The following P2RX7 variants were observed in gnomAD, a reference collection of about 807,000 sequenced individuals.
P2RX7 encodes P2X purinoceptor 7.
Under a neutral mutation model 71.6 loss-of-function variants are expected in P2RX7, and 62 were observed. That is an observed-to-expected ratio of 0.87 (90% CI 0.71 to 1.07). The LOEUF is 1.07. Ranked by LOEUF, P2RX7 falls within the 50% of genes least tolerant of loss-of-function variation. The probability of loss-of-function intolerance (pLI) is 0.00; values close to 1 mark genes in which losing one functional copy is unlikely to be tolerated. For synonymous variants in P2RX7, 299 were observed against 283.3 expected (o/e 1.06, Z -0.56); for missense variants, 686 against 748.5 (o/e 0.92, Z 0.97).
Position 121,147,156 on chromosome 12 carries a change from C to G in P2RX7, c.126-7629C>G, listed in dbSNP as rs563745546. ...GAAATTCGAAAAAGTATTCCATTCA[C>G]TGTAGCATTTAAGAAAGCTGAGGCT... On this transcript the variant is annotated intron_variant, in intron 1 of 12. Transcript: ENST00000328963. Among the ~76,000 whole-genome samples, 3 of 152,322 alleles carry G rather than the reference C, an allele frequency of 2.0e-5. No individual in the cohort carries two copies. In the South Asian group the frequency reaches 6.2e-4, roughly 32 times the overall value.
rs913935631 is a variant in P2RX7, at chr12:121,149,314, T to C, written c.126-5471T>C. ...AGCCAGACTTGCCTGTGAGTGCCCC[T>C]TGATGGCTGTATTAGTCTGTTCTCA... On this transcript the variant is annotated intron_variant, in intron 1 of 12. Transcript: ENST00000328963. This position sits in a 1 kb window ranked among gnomAD's most constrained non-coding sequence, Gnocchi z 4.7. Among the ~76,000 whole-genome samples, 3 of 152,142 alleles carry C rather than the reference T, an allele frequency of 2.0e-5. No individual in the cohort carries two copies. Among genetic ancestry groups the C allele is most frequent in the African/African-American group, 7.2e-5 (3 of 41,440 alleles).
rs745908932 is a variant in P2RX7, at chr12:121,160,890, T to C, written c.364-12T>C. ...TCACTTACTCCCCACTCTGTCATCC[T>C]TCTATCTGCAGTATCCCACCCGCAG... On this transcript the variant is annotated splice_polypyrimidine_tract_variant and intron_variant, in intron 3 of 12. Coordinates refer to ENST00000328963, the MANE Select transcript of P2RX7 (RefSeq NM_002562.6). 2 of 1,608,784 alleles carry C rather than the reference T, an allele frequency of 1.2e-6. No homozygotes were observed. The highest frequency in any genetic ancestry group is 3.3e-5 in the Admixed American group (2 of 60,002).
Position 121,184,902 on chromosome 12 carries a change from A to G in P2RX7, c.*100A>G. On this transcript the variant is annotated 3_prime_UTR_variant, in exon 13 of 13. Coordinates refer to ENST00000328963, the MANE Select transcript of P2RX7 (RefSeq NM_002562.6). ...GAGTTGGAGACCCGCCTGGCTAACA[A>G]GGCGAAATCCTGTCTGTACTAAAAA... 1.1e-6 allele frequency: 1 copy of G among 910,692 alleles called. No homozygotes were observed. Among genetic ancestry groups the G allele is most frequent in the Non-Finnish European group, 1.6e-6 (1 of 608,288 alleles). 56.4% of individuals were successfully genotyped at this position (910,692 alleles called of 1,614,324 possible). A position where few individuals can be genotyped will look rare whatever the true frequency, so the allele number is the denominator to read the frequency against.
At chr12:121,163,544 TGATA>T (rs1037778012) in intron 5 of P2RX7, among the ~76,000 whole-genome samples, 6 of 144,070 alleles carry the variant, frequency 4.2e-5, no homozygotes, top group Middle Eastern at 3.5e-3. Context: ...AGATGATAGA[TGATA>T]GATAGAAAGA....
rs3842711 is a variant in P2RX7 at position 121,175,798 on chromosome 12, GA to G, written c.972+329del. Among the ~76,000 whole-genome samples, 8 of 151,218 alleles carry G rather than the reference GA, an allele frequency of 5.3e-5. No individual in the cohort carries two copies. The East Asian group carries it at 9.7e-4, about 18-fold the overall frequency. On this transcript the variant is annotated intron_variant, in intron 9 of 12. Coordinates refer to ENST00000328963, the MANE Select transcript of P2RX7 (RefSeq NM_002562.6). ...AATCCAATTCAAATTGGCTTAAGGG[GA>G]AAAAAAAAGTTTTGAGTGGGCTTTT...
At chr12:121,159,195 G>T (rs1189434448) in intron 3 of P2RX7, among the ~76,000 whole-genome samples, 2 of 152,168 alleles carry the variant, frequency 1.3e-5, no homozygotes, top group East Asian at 3.9e-4. Context: ...GAGGCAGGCA[G>T]ATCATGAGGT....
Position 121,154,026 on chromosome 12 carries a change from G to A in P2RX7, c.126-759G>A, listed in dbSNP as rs1878046324. Among the ~76,000 whole-genome samples the A allele has an allele frequency of 6.6e-6, 1 of 152,108 alleles. No homozygotes were observed. The highest frequency in any genetic ancestry group is 1.5e-5 in the Non-Finnish European group (1 of 68,026). ...AGTTCCAGCTACTCAGGAGGCTGAGGTGGGAGGATCAACTTGAGCTCGGGA... is the reference window on the plus strand; with the variant it reads ...AGTTCCAGCTACTCAGGAGGCTGAGATGGGAGGATCAACTTGAGCTCGGGA... On this transcript the variant is annotated intron_variant, in intron 1 of 12. Transcript: ENST00000328963. This position sits in a 1 kb window ranked among gnomAD's most constrained non-coding sequence, Gnocchi z 4.2.
At chr12:121,163,932 G>T (rs966862271) in intron 5 of P2RX7, among the ~76,000 whole-genome samples, 1 of 152,084 alleles carries the variant, frequency 6.6e-6, no homozygotes, top group Admixed American at 6.6e-5. Flanking sequence ...TCCCAATGCC[G>T]GGATGGGGGG....
At chr12:121,163,610 T>C (rs1024130589) in intron 5 of P2RX7, among the ~76,000 whole-genome samples, 2 of 88,764 alleles carry the variant, frequency 2.3e-5, no homozygotes, top group South Asian at 3.0e-4. Flanking sequence ...GATAGATAGA[T>C]AGATAGATAG....
intron 12 of P2RX7, among the ~76,000 whole-genome samples, chr12:121,183,679 C>A (rs966033281): frequency 1.3e-5 from 2 of 151,928 alleles, no homozygotes; most frequent in Admixed American, 1.3e-4. Context: ...ATAAGGGAAT[C>A]ATGTGGGAGA....
Position 121,163,866 on chromosome 12 carries a change from G to A in P2RX7, c.533+1346G>A, listed in dbSNP as rs190081467. Among the ~76,000 whole-genome samples the A allele has an allele frequency of 4.6e-4, 70 of 152,278 alleles. No individual in the cohort carries two copies. In the East Asian group the frequency reaches 0.013, roughly 28 times the overall value. On this transcript the variant is annotated intron_variant, in intron 5 of 12. Coordinates refer to ENST00000328963, the MANE Select transcript of P2RX7 (RefSeq NM_002562.6). Reference sequence around the variant, plus strand: ...GATTCAGGATCATTCCCTCAGCATCGTGGGGCAAAGAGAAAACTGCCCCAA... The same window carrying A: ...GATTCAGGATCATTCCCTCAGCATCATGGGGCAAAGAGAAAACTGCCCCAA...
At chr12:121,182,052 A>G (rs1219123459) in intron 12 of P2RX7, among the ~76,000 whole-genome samples, 3 of 144,392 alleles carry the variant, frequency 2.1e-5, no homozygotes, top group East Asian at 4.0e-4. Context: ...CAACAGAACA[A>G]GCTCCATCTA....
At chr12:121,170,971 C>T (rs1030894987) in intron 8 of P2RX7, among the ~76,000 whole-genome samples, 3 of 152,014 alleles carry the variant, frequency 2.0e-5, no homozygotes, top group Non-Finnish European at 4.4e-5. Context: ...TGACCTGTGG[C>T]GAAATGTCCT....
chr12:121,146,025 G>A (rs56017922), intron 1 of P2RX7, among the ~76,000 whole-genome samples: 12,469 of 152,164 alleles, frequency 0.082, 680 homozygotes, highest in Non-Finnish European at 0.096. Flanking sequence ...AGGAAAGCTC[G>A]TTCTGCTCTG....
chr12:121,134,459 T>C (rs2135963419), intron 1 of P2RX7, among the ~76,000 whole-genome samples: 1 of 152,316 alleles, frequency 6.6e-6, no homozygotes, highest in South Asian at 2.1e-4. Flanking sequence ...TGGCGCAATC[T>C]TGGCTCACTG....
chr12:121,154,847 C>T lies in P2RX7; in HGVS notation c.188C>T (p.Thr63Ile). Residue 63 changes from threonine to isoleucine, a missense_variant, in exon 2 of 13, where the codon ACC becomes ATC. Transcript: ENST00000328963. This position sits in a 1 kb window ranked among gnomAD's most constrained non-coding sequence, Gnocchi z 4.2. ...GAGCCTGTCATCAGTTCTGTGCACA[C>T]CAAGGTGAAGGGGATAGCAGAGGTG... ...RKEPVISSVH[T>I]KVKGIAEVKE... 1 of 1,614,184 alleles carries T rather than the reference C, an allele frequency of 6.2e-7. No homozygotes were observed. Among genetic ancestry groups the T allele is most frequent in the Non-Finnish European group, 8.5e-7 (1 of 1,180,028 alleles).
Position 121,184,675 on chromosome 12 carries a change from C to G in P2RX7, c.1661C>G (p.Ala554Gly). ...RLRHCAYRCY[A>G]TWRFGSQDMA... ...CGGCACTGTGCCTACAGGTGCTACG[C>G]CACCTGGCGCTTCGGCTCCCAGGAC... Residue 554 changes from alanine (A) to glycine (G), a missense_variant, in exon 13 of 13, where the codon GCC becomes GGC. Coordinates refer to ENST00000328963, the MANE Select transcript of P2RX7 (RefSeq NM_002562.6). 6.3e-7 allele frequency: 1 copy of G among 1,585,068 alleles called. No homozygotes were observed. The highest frequency in any genetic ancestry group is 8.6e-7 in the Non-Finnish European group (1 of 1,165,874).
chr12:121,133,038 G>A lies in P2RX7; in HGVS notation c.68G>A (p.Ser23Asn), dbSNP rs139137149. The change falls in exon 1 of 13, where the codon AGC (serine) becomes AAC (asparagine). Residue 23 changes from serine (S) to asparagine (N), a missense_variant. Coordinates refer to ENST00000328963, the MANE Select transcript of P2RX7 (RefSeq NM_002562.6). ...ACGAACAAAGTCACTCGGATCCAGA[G>A]CATGAATTATGGCACCATTAAGTGG... is the stretch of plus-strand genomic sequence containing the variant. ...YETNKVTRIQ[S>N]MNYGTIKWFF... 4.7e-5 allele frequency: 76 copies of A among 1,614,138 alleles called. 1 individual carries two copies. The African/African-American group carries it at 9.5e-4, about 20-fold the overall frequency.
At chr12:121,152,358 T>C (rs1877629056) in intron 1 of P2RX7, among the ~76,000 whole-genome samples, 1 of 151,578 alleles carries the variant, frequency 6.6e-6, no homozygotes, top group African/African-American at 2.4e-5. Flanking sequence ...AGACAGGGTC[T>C]CACTCTGTTG....
Sources: gnomAD v4.1 joint callset for allele counts (sites outside exome capture counted in the v4.1 genomes callset) on GRCh38, gnomAD v4.1.1 for gene constraint, Gnocchi (gnomAD v3.1) non-coding constraint, MANE v1.5 for transcripts, NCBI Gene and HGNC (gene_info 2026-07-23, HGNC 2026-07-21) for gene names.